Variants in PTPRT observed in about 807,000 individuals in gnomAD.
The protein encoded by PTPRT is receptor-type tyrosine-protein phosphatase T.
Under a neutral mutation model 176.8 loss-of-function variants are expected in PTPRT, and 56 were observed. The observed-to-expected ratio is 0.32, with a 90% CI of 0.26 to 0.40. The LOEUF (loss-of-function observed/expected upper bound fraction) is 0.40, where lower values mean the gene tolerates loss of function less well. Among genes scored for constraint, PTPRT ranks in the 10% least tolerant of loss-of-function variants. PTPRT has a pLI of 1.00. For synonymous variants in PTPRT, 783 were observed against 739.0 expected, an observed-to-expected ratio of 1.06 and a Z score of -0.96; for missense variants, 1,540 against 1,908.2, an observed-to-expected ratio of 0.81 and a Z score of 3.60.
chr20:42,072,205 C>T (rs559079214), downstream of PTPRT, among the ~76,000 whole-genome samples: 12 of 152,238 alleles, frequency 7.9e-5, no homozygotes, highest in East Asian at 1.9e-4. Flanking sequence ...AAAAATAAGG[C>T]GCAAGGCTGT....
At chr20:43,128,817 G>A (rs1219466114) in intron 1 of PTPRT, among the ~76,000 whole-genome samples, 3 of 152,160 alleles carry the variant, frequency 2.0e-5, no homozygotes, top group Non-Finnish European at 4.4e-5. Flanking sequence ...AAGTTAGGAG[G>A]TCATCTGTAT....
chr20:42,831,127 C>A (rs1314232986), intron 2 of PTPRT, among the ~76,000 whole-genome samples: 1 of 152,068 alleles, frequency 6.6e-6, no homozygotes, highest in Non-Finnish European at 1.5e-5. Context: ...GCCTTCAAAC[C>A]ATACTACAGG....
intron 9 of PTPRT, among the ~76,000 whole-genome samples, chr20:42,427,413 C>A (rs2059174497): frequency 6.6e-6 from 1 of 152,178 alleles, no homozygotes; most frequent in Non-Finnish European, 1.5e-5. Context: ...AACTTATAAA[C>A]AACAGCAATT....
At chr20:42,070,461 G>A (rs1294425369), downstream of PTPRT, among the ~76,000 whole-genome samples, 1 of 151,864 alleles carries the variant, frequency 6.6e-6, no homozygotes, top group Non-Finnish European at 1.5e-5. Context: ...AGCACATAGG[G>A]TGGGATGTCC....
At chr20:42,258,014 C>A (rs532877981) in intron 13 of PTPRT, among the ~76,000 whole-genome samples, 57 of 152,214 alleles carry the variant, frequency 3.7e-4, no homozygotes, top group Middle Eastern at 3.4e-3. Context: ...ACCTATCGTA[C>A]TACTCTGTCA....
At chr20:42,135,547 A>G (rs1045876981) in intron 18 of PTPRT, among the ~76,000 whole-genome samples, 5 of 152,138 alleles carry the variant, frequency 3.3e-5, no homozygotes, top group Non-Finnish European at 7.4e-5. Flanking sequence ...ATGTTTAGTG[A>G]CTTAGTGCAG....
chr20:42,633,886 TA>T (rs1435848377), intron 7 of PTPRT, among the ~76,000 whole-genome samples: 2 of 70,942 alleles, frequency 2.8e-5, no homozygotes, highest in Non-Finnish European at 4.9e-5. Context: ...TATTATAATA[TA>T]ATTATTATAT....
rs56657704 is a variant in PTPRT at position 43,159,995 on chromosome 20, C to A, written c.88+29651G>T. 9.2e-3 allele frequency among the ~76,000 whole-genome samples: 945 copies of A among 102,394 alleles called. 10 individuals carry two copies. Among genetic ancestry groups the A allele is most frequent in the African/African-American group, 0.024 (883 of 36,768 alleles). The allele number at this position is 102,394 out of a possible 152,430, so 67.2% of individuals were successfully genotyped here. A position where few individuals can be genotyped will look rare whatever the true frequency, so the allele number is the denominator to read the frequency against. ...GAAAGGAGTCAATCCCTTCTTACTT[C>A]CCCCTGCAAAAAAAAAAAAAAGAAA... is the stretch of plus-strand genomic sequence containing the variant. On this transcript the variant is annotated intron_variant, in intron 1 of 30. Transcript: ENST00000373187.
In PTPRT at chr20:42,702,966, C is replaced by A. The variant is rs60694236; in HGVS notation, c.860-24807G>T. On this transcript the variant is annotated intron_variant, in intron 6 of 30. Coordinates refer to ENST00000373187, the MANE Select transcript of PTPRT (RefSeq NM_007050.6). ...AAAGACCCCTATCCCATAGCCAGCC[C>A]ATATGGTTTGGGATTTATCCTGCCA... is the stretch of plus-strand genomic sequence containing the variant. Among the ~76,000 whole-genome samples the A allele has an allele frequency of 2.1e-3, 315 of 152,300 alleles. 1 individual carries two copies. The highest frequency in any genetic ancestry group is 7.1e-3 in the African/African-American group (296 of 41,560).
chr20:42,825,477 T>C (rs1242009402), intron 2 of PTPRT, among the ~76,000 whole-genome samples: 1 of 152,112 alleles, frequency 6.6e-6, no homozygotes, highest in Admixed American at 6.6e-5. Context: ...AAAAAAGCCA[T>C]GTAACAGGAC....
At chr20:43,128,542 A>G (rs1304942975) in intron 1 of PTPRT, among the ~76,000 whole-genome samples, 2 of 152,250 alleles carry the variant, frequency 1.3e-5, no homozygotes, top group African/African-American at 4.8e-5. Flanking sequence ...TGAAAAGGAC[A>G]GAAGGCAGAA....
intron 11 of PTPRT, among the ~76,000 whole-genome samples, chr20:42,349,447 T>C (rs911934510): frequency 3.9e-5 from 6 of 152,226 alleles, no homozygotes. Context: ...TGAGCTCTTA[T>C]GCGTATCTCC....
chr20:42,206,038 C>G (rs1434273942), intron 15 of PTPRT, among the ~76,000 whole-genome samples: 6 of 152,072 alleles, frequency 3.9e-5, no homozygotes, highest in Admixed American at 1.3e-4. Flanking sequence ...GGATGCAAGC[C>G]CTGCTTTCTG....
chr20:42,174,812 TACTC>T (rs1990222572), intron 16 of PTPRT, among the ~76,000 whole-genome samples: 1 of 152,012 alleles, frequency 6.6e-6, no homozygotes. Flanking sequence ...TTGGGCAAGT[TACTC>T]AATCTCTCTG....
At chr20:43,133,767 A>G (rs1010500775) in intron 1 of PTPRT, among the ~76,000 whole-genome samples, 4 of 138,404 alleles carry the variant, frequency 2.9e-5, no homozygotes, top group African/African-American at 1.1e-4. Context: ...AAAAAAAAAT[A>G]GTATTGGAGT....
At chr20:42,806,673 A>T (rs2077614606) in intron 2 of PTPRT, among the ~76,000 whole-genome samples, 1 of 152,132 alleles carries the variant, frequency 6.6e-6, no homozygotes, top group Non-Finnish European at 1.5e-5. Context: ...TTGGGGTGTG[A>T]CAACTGCAGA....
Position 42,099,082 on chromosome 20 carries a change from T to C in PTPRT, c.3715-530A>G, listed in dbSNP as rs147531357. On this transcript the variant is annotated intron_variant, in intron 26 of 30. Transcript: ENST00000373187. ...TCAATGGGGCAGTGGAAAGTACACATGCATTATTAATAGTCCGGTAGACCT... is the reference window on the plus strand; with the variant it reads ...TCAATGGGGCAGTGGAAAGTACACACGCATTATTAATAGTCCGGTAGACCT... 2.1e-3 allele frequency among the ~76,000 whole-genome samples: 319 copies of C among 152,358 alleles called. 5 individuals carry two copies. Among genetic ancestry groups the C allele is most frequent in the East Asian group, 0.02 (102 of 5,184 alleles).
intron 9 of PTPRT, among the ~76,000 whole-genome samples, chr20:42,398,571 A>C (rs916078894): frequency 6.6e-6 from 1 of 152,220 alleles, no homozygotes. Context: ...CATGTATATC[A>C]GAATTCAAAT....
chr20:42,899,395 G>A (rs550481177), intron 1 of PTPRT, among the ~76,000 whole-genome samples: 3 of 152,274 alleles, frequency 2.0e-5, no homozygotes, highest in East Asian at 1.9e-4. Flanking sequence ...AGCTCTTCAC[G>A]GTCTCAGGGT....
Sources: gnomAD v4.1 joint callset for allele counts (sites outside exome capture counted in the v4.1 genomes callset) on GRCh38, gnomAD v4.1.1 for gene constraint, MANE v1.5 for transcripts, NCBI Gene and HGNC (gene_info 2026-07-23, HGNC 2026-07-21) for gene names.